Variants in TMEM181 observed in about 807,000 individuals in gnomAD.
TMEM181 encodes the protein transmembrane protein 181.
A neutral mutation model predicts 71.9 loss-of-function variants in TMEM181; 39 were observed. That is an observed-to-expected ratio of 0.54 (90% confidence interval 0.42 to 0.71). The LOEUF is 0.71. Among genes scored for constraint, TMEM181 ranks in the 30% least tolerant of loss-of-function variants. TMEM181 has a pLI of 0.00. For synonymous variants in TMEM181, 245 were observed against 228.8 expected (o/e 1.07, Z -0.64); for missense variants, 595 against 583.0 (o/e 1.02, Z -0.21).
intron 6 of TMEM181, among the ~76,000 whole-genome samples, chr6:158,597,257 TAGAA>T (rs1441511399): frequency 1.3e-5 from 2 of 152,216 alleles, no homozygotes; most frequent in Non-Finnish European, 2.9e-5. Flanking sequence ...TTTAAGTAGA[TAGAA>T]TGGTGTCTTA....
intron 1 of TMEM181, among the ~76,000 whole-genome samples, chr6:158,560,765 G>T (rs1161046319): frequency 6.6e-6 from 1 of 152,226 alleles, no homozygotes; most frequent in African/African-American, 2.4e-5. Flanking sequence ...TTGGACTCGG[G>T]GTGTCGAGTT....
intron 6 of TMEM181, among the ~76,000 whole-genome samples, chr6:158,594,712 G>A (rs561282200): frequency 2.2e-4 from 34 of 152,086 alleles, no homozygotes; most frequent in Non-Finnish European, 4.7e-4. Context: ...TTTTGAAATG[G>A]AGTTTCATTC....
intron 10 of TMEM181, among the ~76,000 whole-genome samples, chr6:158,619,898 T>G (rs1216279892): frequency 2.8e-5 from 4 of 141,724 alleles, no homozygotes; most frequent in Admixed American, 2.8e-4. Context: ...AAGGAGGATG[T>G]CATGAGGGGT....
chr6:158,552,987 G>C (rs1483574286), intron 1 of TMEM181, among the ~76,000 whole-genome samples: 1 of 152,094 alleles, frequency 6.6e-6, no homozygotes, highest in Non-Finnish European at 1.5e-5. Context: ...CCTAGTTTGA[G>C]ACCAGCCTGG....
intron 15 of TMEM181, 88 bp from the exon 16 acceptor site, chr6:158,631,235 C>A: frequency 7.3e-7 from 1 of 1,377,996 alleles, no homozygotes; most frequent in Non-Finnish European, 1.0e-6. Flanking sequence ...TTCTTTCCAA[C>A]TCCCTTCCTT....
At chr6:158,629,048 C>G (rs1038572716) in intron 14 of TMEM181, among the ~76,000 whole-genome samples, 9 of 152,300 alleles carry the variant, frequency 5.9e-5, no homozygotes, top group African/African-American at 1.4e-4. Flanking sequence ...CCTTCGATTC[C>G]CGCTGTGCCT....
At chr6:158,560,314 C>T (rs1447937006) in intron 1 of TMEM181, 82 bp downstream of exon 1, 6 of 985,248 alleles carry the variant, frequency 6.1e-6, no homozygotes, top group Non-Finnish European at 3.6e-6. Flanking sequence ...CTCCCGGCGC[C>T]GTGCCGCAGG....
intron 7 of TMEM181, among the ~76,000 whole-genome samples, chr6:158,605,658 T>G (rs541977054): frequency 2.6e-5 from 4 of 152,364 alleles, no homozygotes; most frequent in Admixed American, 2.0e-4. Flanking sequence ...TGAATGAGCT[T>G]CTCTGAGTGC....
At chr6:158,605,130 AAGTGTGT>A (rs1327611176) in intron 6 of TMEM181, 130 bp from the exon 7 acceptor site, 122 of 211,030 alleles carry the variant, frequency 5.8e-4, no homozygotes, top group Middle Eastern at 2.5e-3. Flanking sequence ...AAAAAAAAAA[AAGTGTGT>A]GTGTGTGTGT....
intron 1 of TMEM181, among the ~76,000 whole-genome samples, chr6:158,543,293 C>A (rs980423499): frequency 6.6e-6 from 1 of 152,208 alleles, no homozygotes; most frequent in Non-Finnish European, 1.5e-5. Flanking sequence ...GGTCATCATC[C>A]GGCTGGAAGG....
chr6:158,558,919 C>A (rs7743100), upstream of TMEM181, among the ~76,000 whole-genome samples: 3 of 151,980 alleles, frequency 2.0e-5, no homozygotes, highest in African/African-American at 7.3e-5. Flanking sequence ...TGCAGGTACC[C>A]AGTTTCTGTT....
chr6:158,617,169 T>C (rs1376340479), intron 10 of TMEM181, among the ~76,000 whole-genome samples: 2 of 152,340 alleles, frequency 1.3e-5, no homozygotes, highest in African/African-American at 2.4e-5. Context: ...GAGCCTGTTA[T>C]TGGTCTATTA....
chr6:158,550,233 C>T (rs191513592), intron 1 of TMEM181, among the ~76,000 whole-genome samples: 70 of 151,858 alleles, frequency 4.6e-4, no homozygotes, highest in African/African-American at 1.4e-3. Context: ...GGCTAAGAGA[C>T]AGGGTTTCAC....
chr6:158,550,558 A>G (rs138127730), intron 1 of TMEM181, among the ~76,000 whole-genome samples: 1,974 of 151,952 alleles, frequency 0.013, 45 homozygotes, highest in African/African-American at 0.044. Flanking sequence ...CGGGAGGCTG[A>G]GGCAAGATAA....
At chr6:158,623,274 G>A (rs183323196) in intron 10 of TMEM181, among the ~76,000 whole-genome samples, 101 of 152,302 alleles carry the variant, frequency 6.6e-4, no homozygotes, top group Non-Finnish European at 1.1e-3. Flanking sequence ...AAAACTGCAA[G>A]AGAAATAGTA....
Position 158,631,858 on chromosome 6 carries a change from C to T in TMEM181, c.1398C>T (p.Ala466=). The change falls in exon 17 of 17, where the codon GCC becomes GCT. Residue 466 remains alanine (A), a synonymous_variant. Coordinates refer to ENST00000684151, the MANE Select transcript of TMEM181 (RefSeq NM_001376852.1). ...MPLQNGQAIR[A]KYKEESDSD ...TGCAGAACGGCCAGGCCATCCGGGC[C>T]AAGTACAAGGAGGAGTCAGATAGTG... 3 of 1,598,380 alleles carry T rather than the reference C, an allele frequency of 1.9e-6. No homozygotes were observed. Among genetic ancestry groups the T allele is most frequent in the Non-Finnish European group, 2.6e-6 (3 of 1,172,194 alleles).
chr6:158,589,015 C>G (rs941751606), intron 5 of TMEM181, among the ~76,000 whole-genome samples: 9 of 152,166 alleles, frequency 5.9e-5, no homozygotes, highest in African/African-American at 1.9e-4. Flanking sequence ...TTTGTCCTCC[C>G]TGCCACTCCG....
intron 1 of TMEM181, among the ~76,000 whole-genome samples, chr6:158,572,112 A>G (rs1465747411): frequency 2.0e-5 from 3 of 152,208 alleles, no homozygotes; most frequent in Non-Finnish European, 4.4e-5. Context: ...TGCTGGGGGC[A>G]GCGGGCCTGG....
Position 158,631,306 on chromosome 6 carries a change from C to G in TMEM181, c.1283-17C>G, listed in dbSNP as rs1786652006. ...ACGTCAATTGCTTGAGATGCAAATG[C>G]TCTTGTTGGTTTTCAGAGTCCCAGC... On this transcript the variant is annotated splice_polypyrimidine_tract_variant and intron_variant, in intron 15 of 16. Transcript: ENST00000684151. The G allele has an allele frequency of 6.2e-7, 1 of 1,613,994 alleles. No individual in the cohort carries two copies. The highest frequency in any genetic ancestry group is 8.5e-7 in the Non-Finnish European group (1 of 1,179,874).
Sources: gnomAD v4.1 joint callset for allele counts (sites outside exome capture counted in the v4.1 genomes callset) on GRCh38, gnomAD v4.1.1 for gene constraint, MANE v1.5 for transcripts, NCBI Gene and HGNC (gene_info 2026-07-23, HGNC 2026-07-21) for gene names.